The following EMC1 variants were observed in gnomAD, a reference collection of about 807,000 sequenced individuals.
EMC1 encodes KIAA0090.
Under a neutral mutation model 128.8 loss-of-function variants are expected in EMC1, and 103 were observed. The observed-to-expected ratio is 0.80, with a 90% CI of 0.68 to 0.94. The LOEUF (loss-of-function observed/expected upper bound fraction) is 0.94, where lower values mean the gene tolerates loss of function less well. EMC1 is among the 40% of genes least tolerant of loss of function. The pLI, the probability that EMC1 is intolerant of heterozygous loss-of-function variation, is 0.00. For missense variants in EMC1, 1,083 were observed against 1,250.6 expected, an observed-to-expected ratio of 0.87 and a Z score of 2.02; for synonymous variants, 442 against 490.4, an observed-to-expected ratio of 0.90 and a Z score of 1.30.
intron 2 of EMC1, 124 bp from the exon 3 acceptor site, chr1:19,244,139 G>C: frequency 1.1e-6 from 1 of 925,212 alleles, no homozygotes; most frequent in Non-Finnish European, 1.7e-6. Context: ...GAGTGAAGGA[G>C]TATAGCTAAC....
Position 19,239,819 on chromosome 1 carries a change from T to C in EMC1, c.953A>G (p.Gln318Arg). 6.2e-7 allele frequency: 1 copy of C among 1,613,804 alleles called. No individual in the cohort carries two copies. Among genetic ancestry groups the C allele is most frequent in the Non-Finnish European group, 8.5e-7 (1 of 1,179,860 alleles). Residue 318 changes from glutamine (Q) to arginine (R), a missense_variant and splice_region_variant, in exon 8 of 23, where the codon CAG becomes CGG. Physicochemically the swap from Gln to Arg is conservative, Grantham distance 43 (BLOSUM62 1). Transcript: ENST00000477853. ...GCAAACCATGTTGCCTGCAGTTACC[T>C]GTGGGAAGTTTTTAAGCAAACTCAG... ...GTLSLLKNFPQTALVSFATTG... is the reference protein window; with the variant it reads ...GTLSLLKNFPRTALVSFATTG...
chr1:19,222,684 A>C lies in EMC1; in HGVS notation c.2527T>G (p.Ser843Ala), dbSNP rs1450111287. The change falls in exon 20 of 23, where the codon TCC becomes GCC. Residue 843 changes from serine to alanine, a missense_variant. Ser to Ala is a moderately conservative substitution (Grantham distance 99, BLOSUM62 1). This residue lies in a region of EMC1 where 527 missense variants were observed against 644.1 expected (regional missense o/e 0.82). Transcript: ENST00000477853. ...VLQQSYIFPS[S>A]ISAMEATITE... ...ATGGTGGCCTCCATGGCACTGATGG[A>C]GGACGGGAAGATATAGGACTGCTGG... 6.2e-7 allele frequency: 1 copy of C among 1,614,092 alleles called. No individual in the cohort carries two copies. Among genetic ancestry groups the C allele is most frequent in the Non-Finnish European group, 8.5e-7 (1 of 1,180,014 alleles).
In EMC1 at chr1:19,227,475, T is replaced by C. The variant is rs373742422; in HGVS notation, c.2065-25A>G. The C allele has an allele frequency of 3.1e-6, 5 of 1,613,888 alleles. No individual in the cohort carries two copies. The African/African-American group carries it at 5.3e-5, about 17-fold the overall frequency. On this transcript the variant is annotated intron_variant, in intron 17 of 22. Coordinates refer to ENST00000477853, the MANE Select transcript of EMC1 (RefSeq NM_015047.3). ...CCTAGGGCAGGGGCAAAAAAGCCTGTAATCAGGAGGGTACACTTAGAACTG... is the reference window on the plus strand; with the variant it reads ...CCTAGGGCAGGGGCAAAAAAGCCTGCAATCAGGAGGGTACACTTAGAACTG...
intron 5 of EMC1, among the ~76,000 whole-genome samples, chr1:19,241,399 TAC>T (rs35705446): frequency 0.23 from 35,643 of 152,134 alleles, 4,856 homozygotes; most frequent in East Asian, 0.59. Flanking sequence ...TAGGCCTAAA[TAC>T]AGAGCACCAA....
Position 19,216,691 on chromosome 1 carries a change from GT to G in EMC1, c.*2611del, listed in dbSNP as rs2093398933. On this transcript the variant is annotated 3_prime_UTR_variant, in exon 23 of 23. Coordinates refer to ENST00000477853, the MANE Select transcript of EMC1 (RefSeq NM_015047.3). ...AATTAATGAATACTAAAACAAACTA[GT>G]TTTTGTTTTTGTTTTTGAGCCAGGG... 1 of 152,038 alleles carries G rather than the reference GT, an allele frequency of 6.6e-6. No homozygotes were observed. Among genetic ancestry groups the G allele is most frequent in the African/African-American group, 2.4e-5 (1 of 41,416 alleles). 9.4% of individuals were successfully genotyped at this position (152,038 alleles called of 1,614,324 possible).
chr1:19,248,856 T>A (rs2093643930), intron 1 of EMC1, among the ~76,000 whole-genome samples: 2 of 151,736 alleles, frequency 1.3e-5, no homozygotes, highest in Non-Finnish European at 2.9e-5. Context: ...AAAAAAAAAA[T>A]TTTAGTATTG....
At chr1:19,219,914 T>G (rs369101824) in intron 21 of EMC1, 3 of 546,836 alleles carry the variant, frequency 5.5e-6, no homozygotes, top group Non-Finnish European at 6.5e-6. Flanking sequence ...AGATCTAGAT[T>G]CCTACTTTGT....
At chr1:19,241,500 G>A (rs1010387127) in intron 5 of EMC1, among the ~76,000 whole-genome samples, 3 of 151,990 alleles carry the variant, frequency 2.0e-5, no homozygotes, top group African/African-American at 7.3e-5. Flanking sequence ...TTCATAACCC[G>A]CCTCATAGCA....
chr1:19,240,381 G>A lies in EMC1; in HGVS notation c.702C>T (p.Val234=), dbSNP rs186454091. The stretch of plus-strand genomic sequence containing the variant: ...GTGAGCTCGGGTCAGGACACACCAG[G>A]ACAGCCTCATCCACCACACCACAGG... ...SGACGVVDEA[V]LVCPDPSSRS... The change falls in exon 7 of 23, where the codon GTC becomes GTT. Residue 234 remains valine, a synonymous_variant. Coordinates refer to ENST00000477853, the MANE Select transcript of EMC1 (RefSeq NM_015047.3). 4.5e-5 allele frequency: 73 copies of A among 1,614,192 alleles called. No individual in the cohort carries two copies. In the African/African-American group the frequency reaches 8.7e-4, roughly 19 times the overall value.
chr1:19,247,691 A>G (rs1257091812), intron 1 of EMC1, among the ~76,000 whole-genome samples: 1 of 152,214 alleles, frequency 6.6e-6, no homozygotes, highest in Non-Finnish European at 1.5e-5. Flanking sequence ...TACTTATTAA[A>G]AGAAAATTAA....
In EMC1 at chr1:19,239,646, A is replaced by G. The variant is rs947751576; in HGVS notation, c.954+172T>C. On this transcript the variant is annotated intron_variant, in intron 8 of 22. Transcript: ENST00000477853. Reference sequence around the variant, plus strand: ...GATCCTTTGTAATACTCAGGAGGAAATACACCATTTCTATGATAAGGCTAC... The same window carrying G: ...GATCCTTTGTAATACTCAGGAGGAAGTACACCATTTCTATGATAAGGCTAC... The G allele has an allele frequency of 3.1e-5, 20 of 641,100 alleles. No individual in the cohort carries two copies. The African/African-American group carries it at 3.3e-4, about 11-fold the overall frequency. 39.7% of individuals were successfully genotyped at this position (641,100 alleles called of 1,614,324 possible). A position where few individuals can be genotyped will look rare whatever the true frequency, so the allele number is the denominator to read the frequency against.
At chr1:19,224,215 G>A (rs371454429) in intron 18 of EMC1, among the ~76,000 whole-genome samples, 37 of 152,208 alleles carry the variant, frequency 2.4e-4, no homozygotes, top group Middle Eastern at 3.4e-3. Flanking sequence ...GAGCATTTCC[G>A]TCACACTTAC....
chr1:19,223,816 T>A (rs757778143), intron 18 of EMC1, among the ~76,000 whole-genome samples: 18 of 152,184 alleles, frequency 1.2e-4, no homozygotes, highest in Non-Finnish European at 2.4e-4. Flanking sequence ...GCTATTATGG[T>A]CCACATTTTG....
intron 15 of EMC1, among the ~76,000 whole-genome samples, chr1:19,231,988 G>T (rs1015530756): frequency 2.0e-5 from 3 of 152,152 alleles, no homozygotes; most frequent in Non-Finnish European, 4.4e-5. Flanking sequence ...CTGGCCGGGC[G>T]TGGTGGCTCA....
chr1:19,227,788 G>A (rs1379720104), intron 17 of EMC1, among the ~76,000 whole-genome samples: 1 of 152,116 alleles, frequency 6.6e-6, no homozygotes, highest in Non-Finnish European at 1.5e-5. Flanking sequence ...GCTGCAGTGA[G>A]CTGAGATCAC....
At position 19,242,474 on chromosome 1, in the gene EMC1, CT is replaced by C; in HGVS notation, c.381-2del. Reference sequence around the variant, plus strand: ...GCCAACCAGCCCAAGTGCCTGGAAACTGAACACAAGTACAGGTTGAGAGCAG... The same window carrying C: ...GCCAACCAGCCCAAGTGCCTGGAAACGAACACAAGTACAGGTTGAGAGCAG... On this transcript the variant is annotated splice_acceptor_variant, in intron 4 of 22. Coordinates refer to ENST00000477853, the MANE Select transcript of EMC1 (RefSeq NM_015047.3). LOFTEE classifies it high-confidence loss of function. 2 of 1,614,116 alleles carry C rather than the reference CT, an allele frequency of 1.2e-6. No individual in the cohort carries two copies. Among genetic ancestry groups the C allele is most frequent in the Non-Finnish European group, 1.7e-6 (2 of 1,180,018 alleles).
rs55743743 is a variant in EMC1 at position 19,250,218 on chromosome 1, C to CAAA, written c.95+1194_95+1196dup. 1.6e-3 allele frequency among the ~76,000 whole-genome samples: 76 copies of CAAA among 48,238 alleles called. 2 individuals are homozygous for CAAA. The highest frequency in any genetic ancestry group is 6.9e-3 in the African/African-American group (66 of 9,628). 31.6% of individuals were successfully genotyped at this position (48,238 alleles called of 152,430 possible). Reference sequence around the variant, plus strand: ...CTGGGCAACAAGAGCAAAACTGTCTCAAAAAAAAAAAAAAAAAAAAAAAAA... The same window carrying CAAA: ...CTGGGCAACAAGAGCAAAACTGTCTCAAAAAAAAAAAAAAAAAAAAAAAAAAAA... On this transcript the variant is annotated intron_variant, in intron 1 of 22. Coordinates refer to ENST00000477853, the MANE Select transcript of EMC1 (RefSeq NM_015047.3).
intron 4 of EMC1, 25 bp from the exon 5 acceptor site, chr1:19,242,498 C>T: frequency 6.2e-7 from 1 of 1,613,554 alleles, no homozygotes; most frequent in Non-Finnish European, 8.5e-7. Context: ...AGGTTGAGAG[C>T]AGCCCACACC....
chr1:19,238,286 G>C, intron 10 of EMC1, 147 bp from the exon 11 acceptor site: 1 of 878,404 alleles, frequency 1.1e-6, no homozygotes, highest in African/African-American at 1.7e-5. Flanking sequence ...AAAGAGAAAA[G>C]CAAGCTAAAT....
Sources: gnomAD v4.1 joint callset for allele counts (sites outside exome capture counted in the v4.1 genomes callset) on GRCh38, gnomAD v4.1.1 for gene constraint, gnomAD v4.1.1 regional missense constraint, MANE v1.5 for transcripts, NCBI Gene and HGNC (gene_info 2026-07-23, HGNC 2026-07-21) for gene names.